The following TACR3 variants were observed in gnomAD, a reference collection of about 807,000 sequenced individuals.
TACR3 encodes tachykinin receptor 3, also known as neuromedin-K receptor.
A neutral mutation model predicts 35.0 loss-of-function variants in TACR3; 34 were observed. That is an observed-to-expected ratio of 0.97 (90% CI 0.74 to 1.30). The LOEUF is 1.30. Among genes scored for constraint, TACR3 ranks in the 50% most tolerant of loss-of-function variants. The pLI, the probability that TACR3 is intolerant of heterozygous loss-of-function variation, is 0.00. For missense variants in TACR3, 558 were observed against 591.7 expected, an observed-to-expected ratio of 0.94 and a Z score of 0.59; for synonymous variants, 233 against 221.1, an observed-to-expected ratio of 1.05 and a Z score of -0.48.
intron 1 of TACR3, among the ~76,000 whole-genome samples, chr4:103,696,738 G>C (rs1385733857): frequency 1.3e-5 from 2 of 151,954 alleles, no homozygotes; most frequent in Non-Finnish European, 2.9e-5. Flanking sequence ...AATTCCCTCA[G>C]GCTGCGAATC....
chr4:103,679,262 T>C (rs1180037507), intron 1 of TACR3, among the ~76,000 whole-genome samples: 1 of 151,966 alleles, frequency 6.6e-6, no homozygotes. Context: ...TCGAAAACAG[T>C]AAAATGGAAG....
In TACR3 at chr4:103,591,471, G is replaced by T. The variant is rs6822961; in HGVS notation, c.1085+16C>A. The stretch of plus-strand genomic sequence containing the variant: ...GGGTGTGACAAGCAACTTGCATTTC[G>T]TAGTTTTGTTTTTACCTTTTATTCA... On this transcript the variant is annotated intron_variant, in intron 4 of 4. Transcript: ENST00000304883. 1 of 1,613,272 alleles carries T rather than the reference G, an allele frequency of 6.2e-7. No homozygotes were observed. Among genetic ancestry groups the T allele is most frequent in the East Asian group, 2.2e-5 (1 of 44,848 alleles).
At chr4:103,680,021 C>A in intron 1 of TACR3, among the ~76,000 whole-genome samples, 1 of 151,688 alleles carries the variant, frequency 6.6e-6, no homozygotes, top group Non-Finnish European at 1.5e-5. Flanking sequence ...CTTTATAGTA[C>A]TCTTAAATCC....
chr4:103,622,044 T>C (rs751972911), intron 3 of TACR3, among the ~76,000 whole-genome samples: 1 of 152,106 alleles, frequency 6.6e-6, no homozygotes, highest in Non-Finnish European at 1.5e-5. Flanking sequence ...TGAAGAGGAA[T>C]GGTCTGCAGA....
intron 3 of TACR3, among the ~76,000 whole-genome samples, chr4:103,610,982 G>A (rs1416397923): frequency 6.6e-6 from 1 of 152,050 alleles, no homozygotes; most frequent in Admixed American, 6.6e-5. Flanking sequence ...ATCGGTATAT[G>A]TGTCTGTTTT....
intron 3 of TACR3, among the ~76,000 whole-genome samples, chr4:103,633,056 G>A (rs1246777288): frequency 9.8e-6 from 1 of 102,444 alleles, no homozygotes; most frequent in Non-Finnish European, 2.1e-5. Context: ...ACATCTTTTT[G>A]TCCCTCTTAC....
At chr4:103,657,867 A>G (rs1457906825) in intron 2 of TACR3, among the ~76,000 whole-genome samples, 1 of 152,130 alleles carries the variant, frequency 6.6e-6, no homozygotes, top group Admixed American at 6.6e-5. Context: ...TAAAAGAGCA[A>G]TCAACACATT....
chr4:103,694,385 G>A (rs1289362814), intron 1 of TACR3, among the ~76,000 whole-genome samples: 1 of 144,286 alleles, frequency 6.9e-6, no homozygotes, highest in Admixed American at 6.7e-5. Context: ...CCCAGCCATT[G>A]TTGAGACAAT....
intron 1 of TACR3, among the ~76,000 whole-genome samples, chr4:103,677,049 G>A (rs1057124716): frequency 6.6e-6 from 1 of 152,034 alleles, no homozygotes; most frequent in African/African-American, 2.4e-5. Flanking sequence ...AGTGGACAAA[G>A]GACGAGAACA....
chr4:103,679,050 G>A (rs897942399), intron 1 of TACR3, among the ~76,000 whole-genome samples: 2 of 151,782 alleles, frequency 1.3e-5, no homozygotes, highest in African/African-American at 4.8e-5. Flanking sequence ...TCTGTATGGT[G>A]GATTTCAGTT....
intron 3 of TACR3, among the ~76,000 whole-genome samples, chr4:103,595,764 T>G (rs1438720872): frequency 6.6e-6 from 1 of 152,044 alleles, no homozygotes; most frequent in Non-Finnish European, 1.5e-5. Context: ...ATTTTTATTA[T>G]TATACTTTAA....
At chr4:103,629,850 C>CAAAAAAAAAAA (rs1170682602) in intron 3 of TACR3, among the ~76,000 whole-genome samples, 2 of 90,062 alleles carry the variant, frequency 2.2e-5, no homozygotes. Context: ...CTAAGCAAAA[C>CAAAAAAAAAAA]AAAAAAAAAA....
chr4:103,637,695 T>C (rs1323872534), intron 3 of TACR3, among the ~76,000 whole-genome samples: 2 of 152,106 alleles, frequency 1.3e-5, no homozygotes, highest in Non-Finnish European at 2.9e-5. Context: ...AAAACCCCAT[T>C]GTCTCAGCCC....
chr4:103,620,969 C>T (rs1353409836), intron 3 of TACR3, among the ~76,000 whole-genome samples: 1 of 152,128 alleles, frequency 6.6e-6, no homozygotes, highest in Non-Finnish European at 1.5e-5. Context: ...GAATTATGTA[C>T]CTTGTGAGTT....
At chr4:103,711,873 A>T (rs1287107725) in intron 1 of TACR3, among the ~76,000 whole-genome samples, 1 of 152,224 alleles carries the variant, frequency 6.6e-6, no homozygotes. Context: ...GAGCCAAATC[A>T]TGAGTGAACT....
intron 1 of TACR3, among the ~76,000 whole-genome samples, chr4:103,684,003 G>GA (rs1036752411): frequency 6.6e-6 from 1 of 151,622 alleles, no homozygotes; most frequent in East Asian, 1.9e-4. Flanking sequence ...ATTGATAACA[G>GA]AAAAAAAATT....
chr4:103,666,313 G>A (rs907039111), intron 1 of TACR3, among the ~76,000 whole-genome samples: 1 of 152,094 alleles, frequency 6.6e-6, no homozygotes, highest in Non-Finnish European at 1.5e-5. Flanking sequence ...GGGTGAAGGT[G>A]GGAATGAGAG....
At chr4:103,625,999 C>G (rs777926663) in intron 3 of TACR3, among the ~76,000 whole-genome samples, 3 of 152,076 alleles carry the variant, frequency 2.0e-5, no homozygotes, top group Admixed American at 2.0e-4. Context: ...AGAGAGGCCT[C>G]GGGAAAAATC....
At chr4:103,694,427 A>C (rs1722479826) in intron 1 of TACR3, among the ~76,000 whole-genome samples, 1 of 152,160 alleles carries the variant, frequency 6.6e-6, no homozygotes, top group South Asian at 2.1e-4. Context: ...ACTGCAACTC[A>C]AGATAGCCAC....
Sources: allele counts gnomAD v4.1 joint callset (sites outside exome capture counted in the v4.1 genomes callset), GRCh38; gene constraint gnomAD v4.1.1; transcripts MANE v1.5; gene names NCBI Gene and HGNC (gene_info 2026-07-23, HGNC 2026-07-21).